KIAA1217: variants seen among roughly 807,000 people sequenced by gnomAD.
KIAA1217 encodes the protein sickle tail protein homolog.
Under a neutral mutation model 163.9 loss-of-function variants are expected in KIAA1217, and 88 were observed. The observed-to-expected ratio is 0.54, with a 90% CI of 0.45 to 0.64. The LOEUF is 0.64. Ranked by LOEUF, KIAA1217 falls within the 30% of genes least tolerant of loss-of-function variation. The probability of loss-of-function intolerance (pLI) is 0.00; values close to 1 mark genes in which losing one functional copy is unlikely to be tolerated. For synonymous variants in KIAA1217, 903 were observed against 923.1 expected (o/e 0.98, Z 0.39); for missense variants, 2,372 against 2,475.0 (o/e 0.96, Z 0.88).
chr10:24,241,800 A>T (rs928345774), intron 2 of KIAA1217, among the ~76,000 whole-genome samples: 7 of 152,154 alleles, frequency 4.6e-5, no homozygotes, highest in Non-Finnish European at 1.0e-4. Flanking sequence ...GCTGGGGAAA[A>T]CACTCTCTTC....
rs536309032 is a variant in KIAA1217, at chr10:24,202,396, G to A, written c.-170-17230G>A. On this transcript the variant is annotated intron_variant, in intron 2 of 18. Transcript: ENST00000376462. Reference sequence around the variant, plus strand: ...GAGAGCAAAGCTCAGGGGAGAGAGCGGTCAGGAAACTCCCTGGGCACAGGC... The same window carrying A: ...GAGAGCAAAGCTCAGGGGAGAGAGCAGTCAGGAAACTCCCTGGGCACAGGC... Among the ~76,000 whole-genome samples the A allele has an allele frequency of 9.9e-5, 15 of 152,162 alleles. No individual in the cohort carries two copies. The East Asian group carries it at 1.4e-3, about 14-fold the overall frequency.
At chr10:24,328,517 GA>G (rs2045245940) in intron 2 of KIAA1217, among the ~76,000 whole-genome samples, 1 of 150,606 alleles carries the variant, frequency 6.6e-6, no homozygotes. Flanking sequence ...TTTTTCAAAA[GA>G]AACCATAAAC....
At chr10:23,749,102 C>T (rs994679222) in intron 1 of KIAA1217, among the ~76,000 whole-genome samples, 3 of 152,156 alleles carry the variant, frequency 2.0e-5, no homozygotes, top group African/African-American at 7.2e-5. Flanking sequence ...AAAATGTTCT[C>T]TACACCACTG....
At chr10:24,266,442 T>C (rs1373138162) in intron 2 of KIAA1217, among the ~76,000 whole-genome samples, 2 of 152,150 alleles carry the variant, frequency 1.3e-5, no homozygotes, top group Non-Finnish European at 2.9e-5. Flanking sequence ...CCTGATACCA[T>C]TGCATTCAGC....
intron 1 of KIAA1217, among the ~76,000 whole-genome samples, chr10:23,758,670 T>TTTTC (rs1307160274): frequency 8.5e-6 from 1 of 117,952 alleles, no homozygotes; most frequent in Non-Finnish European, 1.7e-5. Flanking sequence ...CCCTCCCCCT[T>TTTTC]TTTCTTTCTT....
At chr10:23,970,947 G>A (rs1365146024) in intron 1 of KIAA1217, among the ~76,000 whole-genome samples, 1 of 152,190 alleles carries the variant, frequency 6.6e-6, no homozygotes, top group East Asian at 1.9e-4. Flanking sequence ...TTTTACAGAA[G>A]GAGTGAAAGT....
chr10:24,013,429 T>C (rs1300585307), intron 2 of KIAA1217, among the ~76,000 whole-genome samples: 1 of 152,086 alleles, frequency 6.6e-6, no homozygotes, highest in African/African-American at 2.4e-5. Flanking sequence ...AGGTTATGCA[T>C]TAATCAGTGG....
chr10:23,989,727 C>T (rs182450591), intron 1 of KIAA1217, among the ~76,000 whole-genome samples: 9 of 152,276 alleles, frequency 5.9e-5, no homozygotes, highest in Admixed American at 5.9e-4. Context: ...CATAGAAAGA[C>T]ATTTGATGTC....
chr10:24,266,829 C>T (rs1191330554), intron 2 of KIAA1217, among the ~76,000 whole-genome samples: 3 of 152,194 alleles, frequency 2.0e-5, no homozygotes, highest in South Asian at 2.1e-4. Context: ...GCAACCCGCT[C>T]GGTCCCCTTC....
At chr10:24,129,809 CT>C (rs1176898183) in intron 2 of KIAA1217, among the ~76,000 whole-genome samples, 1 of 152,076 alleles carries the variant, frequency 6.6e-6, no homozygotes. Context: ...TCACAGAGTT[CT>C]TTTTTTCTTT....
intron 2 of KIAA1217, among the ~76,000 whole-genome samples, chr10:24,021,881 A>G (rs1564616124): frequency 1.7e-4 from 1 of 5,806 alleles, no homozygotes; most frequent in Non-Finnish European, 3.0e-4. Flanking sequence ...CTGGACATCA[A>G]TATACAAAAA....
chr10:24,376,537 A>G lies in KIAA1217; in HGVS notation c.355-4332A>G, dbSNP rs527313674. 1.6e-3 allele frequency among the ~76,000 whole-genome samples: 245 copies of G among 152,296 alleles called. 1 individual carries two copies. Among genetic ancestry groups the G allele is most frequent in the Non-Finnish European group, 2.5e-3 (172 of 68,032 alleles). On this transcript the variant is annotated intron_variant, in intron 2 of 20. Coordinates refer to ENST00000376454, the MANE Select transcript of KIAA1217 (RefSeq NM_019590.5). ...TAGCACTTTGGGAGACTGAGATGAA[A>G]GGATCGCTTAAGCTTAGGAGTTTGA...
At chr10:23,913,637 C>A (rs1219439273) in intron 1 of KIAA1217, among the ~76,000 whole-genome samples, 10 of 152,042 alleles carry the variant, frequency 6.6e-5, no homozygotes, top group Admixed American at 6.6e-4. Context: ...TGTTGGGGCA[C>A]CAGGCAGGCT....
At chr10:23,860,471 A>G (rs1316819511) in intron 1 of KIAA1217, among the ~76,000 whole-genome samples, 1 of 152,214 alleles carries the variant, frequency 6.6e-6, no homozygotes, top group Non-Finnish European at 1.5e-5. Flanking sequence ...TAATTTAATG[A>G]CAATATTATA....
intron 2 of KIAA1217, among the ~76,000 whole-genome samples, chr10:24,290,749 C>A (rs2079012784): frequency 6.6e-6 from 1 of 151,850 alleles, no homozygotes; most frequent in Admixed American, 6.6e-5. Flanking sequence ...GTTACAGGTG[C>A]CCACCACCAT....
chr10:23,957,677 G>T (rs535039389), intron 1 of KIAA1217, among the ~76,000 whole-genome samples: 2 of 152,086 alleles, frequency 1.3e-5, no homozygotes, highest in Non-Finnish European at 2.9e-5. Context: ...AGCCGAGATC[G>T]GGCCACTGCA....
intron 2 of KIAA1217, among the ~76,000 whole-genome samples, chr10:24,141,585 G>A (rs2064083784): frequency 6.6e-6 from 1 of 152,140 alleles, no homozygotes; most frequent in African/African-American, 2.4e-5. Flanking sequence ...GCTTTGTTCT[G>A]ACCCTAAGCA....
chr10:24,471,886 CAAAAAA>C (rs749624402), intron 5 of KIAA1217, among the ~76,000 whole-genome samples: 632 of 46,928 alleles, frequency 0.013, 8 homozygotes, highest in African/African-American at 0.047. Context: ...GACTCCATCT[CAAAAAA>C]AAAAAAAAAA....
Position 24,047,310 on chromosome 10 carries a change from A to T in KIAA1217, c.-171+39936A>T, listed in dbSNP as rs1292601478. Among the ~76,000 whole-genome samples the T allele has an allele frequency of 2.6e-5, 4 of 152,300 alleles. No homozygotes were observed. In the East Asian group the frequency reaches 7.8e-4, roughly 30 times the overall value. ...GGTCCTAGTACAAGCCTGCAGGCCA[A>T]AAATCACTCAAGTCTAATTCTCTTC... On this transcript the variant is annotated intron_variant, in intron 2 of 18. Transcript: ENST00000376462.
Sources: gnomAD v4.1 joint callset for allele counts (sites outside exome capture counted in the v4.1 genomes callset) on GRCh38, gnomAD v4.1.1 for gene constraint, MANE v1.5 for transcripts, NCBI Gene and HGNC (gene_info 2026-07-23, HGNC 2026-07-21) for gene names.